Variants in TRIM14 observed in about 807,000 individuals in gnomAD.
The protein encoded by TRIM14 is tripartite motif-containing protein 14.
TRIM14 carries 28 observed loss-of-function variants against 44.5 expected under a neutral mutation model. The observed-to-expected ratio is 0.63, with a 90% CI of 0.47 to 0.86. The LOEUF (loss-of-function observed/expected upper bound fraction) is 0.86, where lower values mean the gene tolerates loss of function less well. TRIM14 is among the 40% of genes least tolerant of loss of function. The probability of loss-of-function intolerance (pLI) is 0.00; values close to 1 mark genes in which losing one functional copy is unlikely to be tolerated. For missense variants in TRIM14, 607 were observed against 611.1 expected (o/e 0.99, Z 0.07); for synonymous variants, 299 against 269.2 (o/e 1.11, Z -1.08).
the TRIM14 span, among the ~76,000 whole-genome samples, chr9:98,044,692 G>C: frequency 1.1e-4 from 16 of 152,010 alleles, no homozygotes; most frequent in South Asian, 4.2e-4. Flanking sequence ...CTTTCTCTTG[G>C]ATGCTGAGTA....
At chr9:98,067,897 T>C (rs1218609378), downstream of TRIM14, among the ~76,000 whole-genome samples, 29 of 152,104 alleles carry the variant, frequency 1.9e-4, no homozygotes. Flanking sequence ...AATTTTTGTA[T>C]TTTTTGTAGA....
chr9:98,055,350 TGGGTTAAGAGA>T, the TRIM14 span, among the ~76,000 whole-genome samples: 2 of 152,080 alleles, frequency 1.3e-5, no homozygotes, highest in Non-Finnish European at 2.9e-5. Context: ...GATAATGTGG[TGGGTTAAGAGA>T]GGCCAGTATG....
chr9:98,113,194 C>T (rs1048920804), intron 1 of TRIM14, among the ~76,000 whole-genome samples: 1 of 151,100 alleles, frequency 6.6e-6, no homozygotes, highest in Non-Finnish European at 1.5e-5. Flanking sequence ...AAAGCACACT[C>T]ATGTAAGGCC....
chr9:98,036,619 T>G, the TRIM14 span, among the ~76,000 whole-genome samples: 1 of 151,170 alleles, frequency 6.6e-6, no homozygotes, highest in Non-Finnish European at 1.5e-5. Context: ...CTAACCAACA[T>G]GGAGAAACCC....
At chr9:98,037,239 G>A in the TRIM14 span, among the ~76,000 whole-genome samples, 829 of 152,184 alleles carry the variant, frequency 5.4e-3, 9 homozygotes, top group African/African-American at 0.019. Flanking sequence ...TAAGCTGGGT[G>A]TGGTGGCAGG....
chr9:98,113,485 G>C (rs561483284), intron 1 of TRIM14, among the ~76,000 whole-genome samples: 3 of 152,226 alleles, frequency 2.0e-5, no homozygotes, highest in African/African-American at 4.8e-5. Context: ...CCCCCAAGTA[G>C]CTGGGACTAT....
rs1326828632 is a variant in TRIM14, at chr9:98,109,886, T to C, written c.303+3A>G. 6.2e-7 allele frequency: 1 copy of C among 1,612,064 alleles called. No individual in the cohort carries two copies. Among genetic ancestry groups the C allele is most frequent in the Non-Finnish European group, 8.5e-7 (1 of 1,178,718 alleles). On this transcript the variant is annotated splice_donor_region_variant and intron_variant, in intron 2 of 5. Transcript: ENST00000341469. The stretch of plus-strand genomic sequence containing the variant: ...TGGGTATGAGGAAGAAATGTCCACT[T>C]GCCTTGAGCTTCTCGGTGGCATCTT...
chr9:98,113,831 T>A (rs575523336), intron 1 of TRIM14, among the ~76,000 whole-genome samples: 2 of 152,280 alleles, frequency 1.3e-5, no homozygotes, highest in South Asian at 4.1e-4. Context: ...TCTATCAGAG[T>A]GGTTTTTGCT....
the TRIM14 span, among the ~76,000 whole-genome samples, chr9:98,044,965 T>G: frequency 6.6e-6 from 1 of 151,920 alleles, no homozygotes. Flanking sequence ...CACAAAAAAT[T>G]AGCTGGGTAT....
the TRIM14 span, among the ~76,000 whole-genome samples, chr9:98,058,046 C>T: frequency 6.6e-6 from 1 of 150,970 alleles, no homozygotes; most frequent in African/African-American, 2.4e-5. Context: ...CCTCAGCCTC[C>T]CGAGTAGCTG....
chr9:98,045,037 C>A, the TRIM14 span, among the ~76,000 whole-genome samples: 2 of 152,092 alleles, frequency 1.3e-5, no homozygotes, highest in Non-Finnish European at 2.9e-5. Context: ...TGCCTGAACC[C>A]AGAAGGCGGA....
intron 6 of TRIM14, among the ~76,000 whole-genome samples, chr9:98,077,380 T>TC (rs1300255203): frequency 1.3e-5 from 2 of 151,930 alleles, no homozygotes. Context: ...AAGAATTTTT[T>TC]TTTTTTTTTA....
At chr9:98,049,931 G>T in the TRIM14 span, among the ~76,000 whole-genome samples, 2 of 152,210 alleles carry the variant, frequency 1.3e-5, no homozygotes, top group Non-Finnish European at 1.5e-5. Context: ...TGATCAATGA[G>T]CAAGTCACGA....
At chr9:98,103,836 CAAAAAA>C (rs60368742) in intron 2 of TRIM14, among the ~76,000 whole-genome samples, 2 of 74,580 alleles carry the variant, frequency 2.7e-5, no homozygotes, top group Non-Finnish European at 5.3e-5. Context: ...GACTCCGTCT[CAAAAAA>C]AAAAAAAAAA....
intron 1 of TRIM14, among the ~76,000 whole-genome samples, chr9:98,111,940 AAAAC>A (rs1213956132): frequency 2.0e-5 from 3 of 152,220 alleles, no homozygotes; most frequent in African/African-American, 7.2e-5. Context: ...CTCCGTCTCA[AAAAC>A]AAACAAACAA....
downstream of TRIM14, chr9:98,081,088 T>C (rs1829836237): frequency 2.5e-6 from 4 of 1,614,074 alleles, no homozygotes; most frequent in Non-Finnish European, 3.4e-6. Context: ...AGAAGGTGTG[T>C]CCTGCCGGAC....
chr9:98,083,249 A>G (rs1454454308), downstream of TRIM14, among the ~76,000 whole-genome samples: 1 of 152,182 alleles, frequency 6.6e-6, no homozygotes, highest in Non-Finnish European at 1.5e-5. Flanking sequence ...CCAGTGATGC[A>G]ATCTCTCCTT....
At chr9:98,077,375 T>A (rs75299558) in intron 6 of TRIM14, among the ~76,000 whole-genome samples, 2 of 136,690 alleles carry the variant, frequency 1.5e-5, no homozygotes, top group South Asian at 4.5e-4. Context: ...TTTTTAAGAA[T>A]TTTTTTTTTT....
At chr9:98,056,681 G>A in the TRIM14 span, 1 of 1,402,766 alleles carries the variant, frequency 7.1e-7, no homozygotes, top group Non-Finnish European at 9.4e-7. Context: ...GCTGCCCGGC[G>A]ACCGCGGGCT....
Sources: gnomAD v4.1 joint callset for allele counts (sites outside exome capture counted in the v4.1 genomes callset) on GRCh38, gnomAD v4.1.1 for gene constraint, MANE v1.5 for transcripts, NCBI Gene and HGNC (gene_info 2026-07-23, HGNC 2026-07-21) for gene names.